The following RAB30 variants were observed in gnomAD, a reference collection of about 807,000 sequenced individuals.
RAB30 encodes ras-related protein Rab-30.
Under a neutral mutation model 25.1 loss-of-function variants are expected in RAB30, and 9 were observed. The ratio of observed to expected loss-of-function variants is 0.36; its 90% CI spans 0.22 to 0.63. The LOEUF (loss-of-function observed/expected upper bound fraction) is 0.63, where lower values mean the gene tolerates loss of function less well. Among genes scored for constraint, RAB30 ranks in the 20% least tolerant of loss-of-function variants. The pLI is 0.69. For synonymous variants in RAB30, 77 were observed against 86.4 expected (o/e 0.89, Z 0.60); for missense variants, 140 against 243.5 (o/e 0.58, Z 2.83).
At chr11:82,993,896 C>T (rs1856906768) in intron 3 of RAB30, 143 bp downstream of exon 3, 3 of 614,036 alleles carry the variant, frequency 4.9e-6, no homozygotes, top group Non-Finnish European at 8.3e-6. Context: ...ACTAGAAGAA[C>T]TCTGGAAATA....
In RAB30 at chr11:82,980,394, C is replaced by T. The variant is rs2121424708; in HGVS notation, c.*1771G>A. On this transcript the variant is annotated 3_prime_UTR_variant, in exon 5 of 5. Coordinates refer to ENST00000527633, the MANE Select transcript of RAB30 (RefSeq NM_001286060.2). ...TATGCATAATCTCATGTGCAAGACA[C>T]TGGTCAATCTAGAACCTGCTAGAGA... is the stretch of plus-strand genomic sequence containing the variant. The T allele has an allele frequency of 1.3e-5, 2 of 152,338 alleles. No homozygotes were observed. The highest frequency in any genetic ancestry group is 1.3e-4 in the Admixed American group (2 of 15,308). The allele number at this position is 152,338 out of a possible 1,614,324, so 9.4% of individuals were successfully genotyped here.
chr11:82,992,300 A>T (rs778302115), intron 3 of RAB30: 16 of 456,096 alleles, frequency 3.5e-5, no homozygotes, highest in South Asian at 2.5e-4. Context: ...GTTAGCATTT[A>T]TGTGGATTTC....
intron 1 of RAB30, among the ~76,000 whole-genome samples, chr11:83,031,522 CT>C (rs1214493635): frequency 7.2e-5 from 6 of 83,642 alleles, no homozygotes; most frequent in Admixed American, 4.7e-4. Context: ...TCTGCGTATT[CT>C]TTTTTTTTCT....
At chr11:83,055,753 T>A (rs1369637931) in intron 1 of RAB30, among the ~76,000 whole-genome samples, 4 of 152,222 alleles carry the variant, frequency 2.6e-5, no homozygotes, top group African/African-American at 9.6e-5. Flanking sequence ...CAAAAAGGGC[T>A]TGAAGGGGTG....
At chr11:83,002,137 T>C (rs958296898) in intron 1 of RAB30, among the ~76,000 whole-genome samples, 5 of 152,164 alleles carry the variant, frequency 3.3e-5, no homozygotes, top group Non-Finnish European at 5.9e-5. Flanking sequence ...ACCCCCTGCC[T>C]TGTAATTGAC....
intron 1 of RAB30, among the ~76,000 whole-genome samples, chr11:83,070,277 T>C (rs895744866): frequency 9.9e-5 from 15 of 152,182 alleles, no homozygotes; most frequent in African/African-American, 3.6e-4. Flanking sequence ...GGCATCCCAA[T>C]AAATCACTCT....
chr11:83,022,015 A>AATT (rs929448205), intron 1 of RAB30, among the ~76,000 whole-genome samples: 1 of 152,218 alleles, frequency 6.6e-6, no homozygotes, highest in African/African-American at 2.4e-5. Context: ...ATAGGCACTT[A>AATT]ATTAAGTACT....
intron 1 of RAB30, among the ~76,000 whole-genome samples, chr11:83,063,593 G>C: frequency 6.6e-6 from 1 of 152,116 alleles, no homozygotes; most frequent in East Asian, 1.9e-4. Flanking sequence ...AAAACCAGCA[G>C]GAACTCCGTA....
intron 1 of RAB30, among the ~76,000 whole-genome samples, chr11:83,052,904 T>C (rs1049531180): frequency 2.0e-5 from 3 of 152,144 alleles, no homozygotes; most frequent in Admixed American, 6.5e-5. Context: ...CACTCATACA[T>C]TGACTGGGAA....
intron 1 of RAB30, among the ~76,000 whole-genome samples, chr11:83,018,330 TCAC>T (rs1403683432): frequency 1.3e-5 from 2 of 151,826 alleles, no homozygotes; most frequent in African/African-American, 4.8e-5. Flanking sequence ...ATGTTTCCTT[TCAC>T]CACATCTGCA....
chr11:83,020,647 G>A (rs1029281754), intron 1 of RAB30, among the ~76,000 whole-genome samples: 1 of 152,202 alleles, frequency 6.6e-6, no homozygotes, highest in African/African-American at 2.4e-5. Context: ...GTGGCGATTT[G>A]TGGTGCCTTT....
intron 2 of RAB30, 66 bp downstream of exon 2, chr11:82,997,158 C>G: frequency 7.4e-7 from 1 of 1,355,386 alleles, no homozygotes; most frequent in East Asian, 2.3e-5. Context: ...CAGATTCCCC[C>G]AACCCCTCAG....
intron 1 of RAB30, among the ~76,000 whole-genome samples, chr11:83,046,331 C>T (rs1456363825): frequency 6.6e-6 from 1 of 152,126 alleles, no homozygotes; most frequent in Non-Finnish European, 1.5e-5. Context: ...GGATCCTTTT[C>T]TAAGTGTCAC....
intron 3 of RAB30, among the ~76,000 whole-genome samples, chr11:82,992,669 C>G (rs1856876119): frequency 6.6e-6 from 1 of 151,090 alleles, no homozygotes; most frequent in Non-Finnish European, 1.5e-5. Context: ...CTGGGCTATC[C>G]TTCCTTTCCT....
intron 1 of RAB30, among the ~76,000 whole-genome samples, chr11:83,009,843 C>A (rs947790887): frequency 6.6e-6 from 1 of 152,192 alleles, no homozygotes; most frequent in African/African-American, 2.4e-5. Flanking sequence ...ACAAGGTCCA[C>A]ACACTTCAAC....
intron 1 of RAB30, among the ~76,000 whole-genome samples, chr11:83,032,886 AATCT>A (rs575031307): frequency 8.4e-4 from 128 of 152,116 alleles, no homozygotes; most frequent in African/African-American, 2.6e-3. Flanking sequence ...ACTTTCTCAT[AATCT>A]ATCTATCAAG....
intron 1 of RAB30, among the ~76,000 whole-genome samples, chr11:83,042,204 T>C (rs1398348804): frequency 6.6e-6 from 1 of 152,138 alleles, no homozygotes; most frequent in African/African-American, 2.4e-5. Context: ...AATAGGTATC[T>C]AATGAATATA....
intron 1 of RAB30, chr11:83,035,190 C>A (rs1426369895): frequency 1.3e-5 from 2 of 151,980 alleles, no homozygotes; most frequent in African/African-American, 4.8e-5. Flanking sequence ...CCAGGTCTAC[C>A]TAATTCTAGA....
rs1156936792 is a variant in RAB30 at position 82,976,820 on chromosome 11, C to A, written c.*5345G>T. 6.6e-6 allele frequency: 1 copy of A among 152,174 alleles called. No homozygotes were observed. The highest frequency in any genetic ancestry group is 1.5e-5 in the Non-Finnish European group (1 of 68,020). 9.4% of individuals were successfully genotyped at this position (152,174 alleles called of 1,614,324 possible). A position where few individuals can be genotyped will look rare whatever the true frequency, so the allele number is the denominator to read the frequency against. On this transcript the variant is annotated 3_prime_UTR_variant, in exon 5 of 5. Transcript: ENST00000527633. ...CAGGTGGAATAATTTGGGCCATAGG[C>A]TTCAATAGCAAAAATTGCTTACAGT...
Sources: allele counts gnomAD v4.1 joint callset (sites outside exome capture counted in the v4.1 genomes callset), GRCh38; gene constraint gnomAD v4.1.1; transcripts MANE v1.5; gene names NCBI Gene and HGNC (gene_info 2026-07-23, HGNC 2026-07-21).